Variants in TRAPPC8 observed in about 807,000 individuals in gnomAD.
TRAPPC8 encodes the protein general sporulation gene 1 homolog.
In TRAPPC8, 54 loss-of-function variants were observed where a neutral mutation model predicts 174.3. The ratio of observed to expected loss-of-function variants is 0.31; its 90% CI spans 0.25 to 0.39. The LOEUF (loss-of-function observed/expected upper bound fraction) is 0.39. Among genes scored for constraint, TRAPPC8 ranks in the 10% least tolerant of loss-of-function variants. The probability of loss-of-function intolerance (pLI) is 1.00; values close to 1 mark genes in which losing one functional copy is unlikely to be tolerated. For missense variants in TRAPPC8, 1,531 were observed against 1,699.1 expected (o/e 0.90, Z 1.74); for synonymous variants, 630 against 579.9 (o/e 1.09, Z -1.24).
chr18:31,902,279 C>T (rs1203323855), intron 9 of TRAPPC8, among the ~76,000 whole-genome samples: 3 of 152,120 alleles, frequency 2.0e-5, no homozygotes, highest in East Asian at 1.9e-4. Context: ...TGCACTGAGC[C>T]GAGATAGTGC....
At chr18:31,929,311 T>C (rs1029424315) in intron 2 of TRAPPC8, among the ~76,000 whole-genome samples, 9 of 152,092 alleles carry the variant, frequency 5.9e-5, no homozygotes, top group African/African-American at 1.7e-4. Flanking sequence ...CTCAACACTT[T>C]GAGAGGCCAG....
intron 20 of TRAPPC8, among the ~76,000 whole-genome samples, chr18:31,856,675 G>C (rs939429903): frequency 6.6e-6 from 1 of 152,000 alleles, no homozygotes; most frequent in African/African-American, 2.4e-5. Flanking sequence ...TTACACTGTG[G>C]CTGAACTAAC....
chr18:31,914,940 CAAGG>C (rs1471578592), intron 4 of TRAPPC8, among the ~76,000 whole-genome samples: 1 of 151,828 alleles, frequency 6.6e-6, no homozygotes, highest in African/African-American at 2.4e-5. Context: ...TGAAAAATAT[CAAGG>C]CTATAAATAT....
chr18:31,881,654 A>G (rs2035460160), intron 12 of TRAPPC8, among the ~76,000 whole-genome samples: 1 of 152,162 alleles, frequency 6.6e-6, no homozygotes, highest in South Asian at 2.1e-4. Flanking sequence ...CTGGTACCTA[A>G]TTAAACCAAA....
In TRAPPC8 at chr18:31,840,580, T is replaced by C. The variant is rs74456203; in HGVS notation, c.3838-1123A>G. 5.1e-3 allele frequency among the ~76,000 whole-genome samples: 779 copies of C among 152,344 alleles called. 18 individuals carry two copies. The highest frequency in any genetic ancestry group is 0.046 in the East Asian group (238 of 5,188). On this transcript the variant is annotated intron_variant, in intron 26 of 28. Transcript: ENST00000283351. ...ATCTATACCAGCAATTGGCAAACCATAGCCCATGGGCTAAATCCAGCCTGC... is the reference window on the plus strand; with the variant it reads ...ATCTATACCAGCAATTGGCAAACCACAGCCCATGGGCTAAATCCAGCCTGC...
intron 14 of TRAPPC8, among the ~76,000 whole-genome samples, chr18:31,873,103 C>T (rs555371484): frequency 1.9e-4 from 29 of 149,570 alleles, no homozygotes; most frequent in African/African-American, 6.2e-4. Flanking sequence ...CTGCAACCTC[C>T]GCCTCCCGGG....
At chr18:31,916,540 T>C (rs1208759569) in intron 3 of TRAPPC8, 94 bp from the exon 4 acceptor site, 37 of 1,284,266 alleles carry the variant, frequency 2.9e-5, no homozygotes, top group Non-Finnish European at 3.5e-5. Context: ...TTTGTTTGTT[T>C]GTTTGTTTCT....
chr18:31,869,453 G>A (rs932731595), intron 16 of TRAPPC8, among the ~76,000 whole-genome samples: 1 of 152,120 alleles, frequency 6.6e-6, no homozygotes, highest in African/African-American at 2.4e-5. Context: ...AAGCTCATTG[G>A]TATGAACTTT....
chr18:31,935,364 C>CAAAAAG (rs2038041354), intron 1 of TRAPPC8, among the ~76,000 whole-genome samples: 1 of 108,200 alleles, frequency 9.2e-6, no homozygotes, highest in South Asian at 3.0e-4. Context: ...ACAAACAAAC[C>CAAAAAG]AAAAAAAAAA....
At chr18:31,915,842 G>A (rs1374971833) in intron 4 of TRAPPC8, among the ~76,000 whole-genome samples, 2 of 150,096 alleles carry the variant, frequency 1.3e-5, no homozygotes, top group South Asian at 2.1e-4. Context: ...AGCTGAGATC[G>A]TGCCACTGCA....
At chr18:31,885,587 G>A (rs569890390) in intron 12 of TRAPPC8, among the ~76,000 whole-genome samples, 88 of 152,008 alleles carry the variant, frequency 5.8e-4, no homozygotes, top group Admixed American at 1.6e-3. Context: ...GGCCGGGCAC[G>A]GTGGCTCACT....
chr18:31,847,038 A>G (rs1031924103), intron 25 of TRAPPC8, among the ~76,000 whole-genome samples: 2 of 152,244 alleles, frequency 1.3e-5, no homozygotes, highest in African/African-American at 4.8e-5. Context: ...GTTGGCCTGG[A>G]TATTTGAGAG....
chr18:31,879,560 C>A (rs1208570266), intron 12 of TRAPPC8, among the ~76,000 whole-genome samples: 1 of 151,746 alleles, frequency 6.6e-6, no homozygotes, highest in South Asian at 2.1e-4. Context: ...CTAGAGGAAA[C>A]AGAAACAAGA....
chr18:31,909,551 A>C, intron 6 of TRAPPC8, 116 bp downstream of exon 6: 2 of 1,439,172 alleles, frequency 1.4e-6, no homozygotes, highest in Non-Finnish European at 1.8e-6. Flanking sequence ...AACCTGCCCA[A>C]TATCTTTCTG....
In TRAPPC8 at chr18:31,913,382, C is replaced by T. The variant is rs764455669; in HGVS notation, c.758G>A (p.Ser253Asn). The T allele has an allele frequency of 6.3e-7, 1 of 1,577,808 alleles. No homozygotes were observed. The highest frequency in any genetic ancestry group is 8.6e-7 in the Non-Finnish European group (1 of 1,169,518). Residue 253 changes from serine (S) to asparagine (N), a missense_variant, in exon 5 of 29, where the codon AGT becomes AAT. Coordinates refer to ENST00000283351, the MANE Select transcript of TRAPPC8 (RefSeq NM_014939.5). The part of the protein sequence containing the change: ...DPWSQYLQKN[S>N]IQNQESYEDG... ...TTTTACATATACCTGGTTTTGAATA[C>T]TATTTTTCTGGAGATACTGACTCCA...
In TRAPPC8 at chr18:31,866,855, G is replaced by A. The variant is rs750499584; in HGVS notation, c.2584C>T (p.His862Tyr). The change falls in exon 18 of 29, where the codon CAC becomes TAC. Residue 862 changes from histidine to tyrosine, a missense_variant. Physicochemically the swap from His to Tyr is moderately conservative, Grantham distance 83. Coordinates refer to ENST00000283351, the MANE Select transcript of TRAPPC8 (RefSeq NM_014939.5). ...VDGIGALPGC[H>Y]TGKYSLSMSV... ...CCAATGCTATAGCCTTTACCTGTGT[G>A]ACATCCGGGAAGAGCACCAATGCCA... is the stretch of plus-strand genomic sequence containing the variant. 25 of 1,612,910 alleles carry A rather than the reference G, an allele frequency of 1.5e-5. No homozygotes were observed. The highest frequency in any genetic ancestry group is 2.7e-5 in the African/African-American group (2 of 74,850).
intron 12 of TRAPPC8, among the ~76,000 whole-genome samples, chr18:31,884,557 T>C (rs2035611709): frequency 6.6e-6 from 1 of 152,222 alleles, no homozygotes; most frequent in Non-Finnish European, 1.5e-5. Flanking sequence ...TGCCACTCTC[T>C]GAACTCAGAC....
intron 1 of TRAPPC8, 157 bp downstream of exon 1, chr18:31,942,451 C>T: frequency 1.0e-6 from 1 of 998,016 alleles, no homozygotes; most frequent in South Asian, 2.2e-5. Flanking sequence ...GTCCCTCCTC[C>T]AGCCGCCCCC....
chr18:31,861,407 C>G (rs997161234), intron 19 of TRAPPC8, among the ~76,000 whole-genome samples: 2 of 152,122 alleles, frequency 1.3e-5, no homozygotes, highest in Non-Finnish European at 2.9e-5. Flanking sequence ...AATATAAAGA[C>G]TGTTAAGTTC....
Sources: gnomAD v4.1 joint callset for allele counts (sites outside exome capture counted in the v4.1 genomes callset) on GRCh38, gnomAD v4.1.1 for gene constraint, MANE v1.5 for transcripts, NCBI Gene and HGNC (gene_info 2026-07-23, HGNC 2026-07-21) for gene names.